Variants in SIMC1 observed in about 807,000 individuals in gnomAD.
The protein encoded by SIMC1 is SUMO-interacting motif-containing protein 1.
A neutral mutation model predicts 82.3 loss-of-function variants in SIMC1; 55 were observed. The observed-to-expected ratio is 0.67, with a 90% CI of 0.54 to 0.84. The LOEUF (loss-of-function observed/expected upper bound fraction) is 0.84. Ranked by LOEUF, SIMC1 falls within the 40% of genes least tolerant of loss-of-function variation. The pLI is 0.00. For synonymous variants in SIMC1, 353 were observed against 426.3 expected (o/e 0.83, Z 2.12); for missense variants, 915 against 1,107.2 (o/e 0.83, Z 2.46).
At chr5:176,329,727 A>G (rs1316229246) in intron 7 of SIMC1, among the ~76,000 whole-genome samples, 3 of 152,212 alleles carry the variant, frequency 2.0e-5, no homozygotes, top group African/African-American at 4.8e-5. Context: ...AGATATAGAT[A>G]TACAATTCAA....
At chr5:176,243,806 ACTGCACCTAGCCTTGATTTACATTT>A in intron 1 of SIMC1, among the ~76,000 whole-genome samples, 1 of 152,076 alleles carries the variant, frequency 6.6e-6, no homozygotes, top group African/African-American at 2.4e-5. Context: ...GGCGTGAGCC[ACTGCACCTAGCCTTGATTTACATTT>A]TTTAGAGATG....
chr5:176,293,818 TTAATTC>T (rs1763686272), intron 2 of SIMC1, among the ~76,000 whole-genome samples: 1 of 152,122 alleles, frequency 6.6e-6, no homozygotes, highest in East Asian at 1.9e-4. Flanking sequence ...TTAAAATTGT[TTAATTC>T]TAATTATAAA....
intron 7 of SIMC1, among the ~76,000 whole-genome samples, chr5:176,329,373 A>T (rs1209919060): frequency 6.6e-6 from 1 of 152,030 alleles, no homozygotes; most frequent in Non-Finnish European, 1.5e-5. Context: ...CGGGAGGCTG[A>T]GGCAGGAGAA....
At position 176,306,349 on chromosome 5, in the gene SIMC1, C is replaced by G. The variant is rs1486807284; in HGVS notation, c.1735-7342C>G. The stretch of plus-strand genomic sequence containing the variant: ...TCCGGGAGGTGAGGGGCACCTCTGC[C>G]CAGCCGCCCCTACTGGGAAGTGAGG... On this transcript the variant is annotated intron_variant, in intron 4 of 9. Transcript: ENST00000429602. 1.4e-5 allele frequency among the ~76,000 whole-genome samples: 2 copies of G among 138,886 alleles called. 1 individual carries two copies. Among genetic ancestry groups the G allele is most frequent in the Admixed American group, 1.4e-4 (2 of 14,222 alleles). The allele number at this position is 138,886 out of a possible 152,430, so 91.1% of individuals were successfully genotyped here.
rs1581267930 is a variant in SIMC1 at position 176,295,179 on chromosome 5, C to A, written c.1581C>A (p.His527Gln). Reference protein sequence around the residue: ...QHYPPREIVAHIIQKILLSGS... With the variant: ...QHYPPREIVAQIIQKILLSGS... The stretch of plus-strand genomic sequence containing the variant: ...ACCCACCAAGAGAAATCGTGGCTCA[C>A]ATCATCCAGAAAATCTTGCTCAGTG... The change falls in exon 3 of 10, where the codon CAC (histidine) becomes CAA (glutamine). Residue 527 changes from histidine to glutamine, a missense_variant. Transcript: ENST00000429602. 15 of 1,613,416 alleles carry A rather than the reference C, an allele frequency of 9.3e-6. No individual in the cohort carries two copies. Among genetic ancestry groups the A allele is most frequent in the Non-Finnish European group, 1.3e-5 (15 of 1,179,688 alleles).
intron 6 of SIMC1, 53 bp from the exon 7 acceptor site, chr5:176,324,576 G>A: frequency 6.3e-7 from 1 of 1,575,182 alleles, no homozygotes; most frequent in Non-Finnish European, 8.6e-7. Flanking sequence ...CAGCCAGAGA[G>A]TGGCTCCTTG....
At chr5:176,284,168 A>G (rs1480198540) in intron 1 of SIMC1, among the ~76,000 whole-genome samples, 2 of 152,234 alleles carry the variant, frequency 1.3e-5, no homozygotes, top group East Asian at 1.9e-4. Context: ...CTCTGTACCA[A>G]GCGGACCTAC....
Position 176,313,413 on chromosome 5 carries a change from A to G in SIMC1, c.1735-278A>G, listed in dbSNP as rs192073649. On this transcript the variant is annotated intron_variant, in intron 4 of 9. Coordinates refer to ENST00000429602, the MANE Select transcript of SIMC1 (RefSeq NM_001308195.2). ...TGCAGCTTAGGTGTTAGAAAATTAT[A>G]ATTATCTGCAGATGCCTAGATCCTT... The G allele has an allele frequency of 7.2e-5, 111 of 1,546,136 alleles. No homozygotes were observed. The African/African-American group carries it at 1.5e-3, about 20-fold the overall frequency.
At chr5:176,298,747 A>T (rs1198535197) in intron 4 of SIMC1, among the ~76,000 whole-genome samples, 1 of 152,244 alleles carries the variant, frequency 6.6e-6, no homozygotes, top group African/African-American at 2.4e-5. Flanking sequence ...AAGTTGTTAA[A>T]CTAGATTGTT....
At chr5:176,253,493 C>T (rs1761757218) in intron 1 of SIMC1, among the ~76,000 whole-genome samples, 1 of 152,120 alleles carries the variant, frequency 6.6e-6, no homozygotes, top group Non-Finnish European at 1.5e-5. Flanking sequence ...GGATTACAGG[C>T]ATGAGCCACT....
At chr5:176,310,683 C>T (rs1031834329) in intron 4 of SIMC1, among the ~76,000 whole-genome samples, 18 of 152,040 alleles carry the variant, frequency 1.2e-4, no homozygotes, top group African/African-American at 3.4e-4. Context: ...AAAGGGATGA[C>T]GCAAGGAGTT....
intron 9 of SIMC1, among the ~76,000 whole-genome samples, chr5:176,338,116 T>G (rs1358015408): frequency 6.6e-6 from 1 of 152,220 alleles, no homozygotes; most frequent in East Asian, 1.9e-4. Context: ...TGTAATGTTC[T>G]TGCCAAAAGT....
chr5:176,313,945 G>A, intron 5 of SIMC1, 100 bp downstream of exon 5: 3 of 1,475,260 alleles, frequency 2.0e-6, no homozygotes, highest in Non-Finnish European at 2.8e-6. Flanking sequence ...TTTCTAGTCA[G>A]TAGATAGTGT....
At chr5:176,285,787 A>G (rs1763246955) in intron 1 of SIMC1, among the ~76,000 whole-genome samples, 1 of 152,172 alleles carries the variant, frequency 6.6e-6, no homozygotes. Flanking sequence ...AACTTCAGCA[A>G]AGTCTCAGGA....
At chr5:176,327,836 A>G (rs1765460762) in intron 7 of SIMC1, among the ~76,000 whole-genome samples, 1 of 152,192 alleles carries the variant, frequency 6.6e-6, no homozygotes, top group Admixed American at 6.5e-5. Context: ...CCATCTATTG[A>G]GATAATCATA....
intron 5 of SIMC1, among the ~76,000 whole-genome samples, chr5:176,319,948 G>A (rs1302951920): frequency 1.3e-5 from 2 of 152,124 alleles, no homozygotes; most frequent in African/African-American, 4.8e-5. Context: ...AAGCTCTGAA[G>A]ACAATAAGAG....
intron 7 of SIMC1, among the ~76,000 whole-genome samples, chr5:176,327,458 T>G (rs1214315492): frequency 6.6e-6 from 1 of 152,216 alleles, no homozygotes; most frequent in East Asian, 1.9e-4. Context: ...CCTGCAACCT[T>G]AATAAATTAA....
chr5:176,298,192 C>T (rs1763901719), intron 4 of SIMC1, among the ~76,000 whole-genome samples: 1 of 152,298 alleles, frequency 6.6e-6, no homozygotes, highest in Middle Eastern at 3.4e-3. Flanking sequence ...TTTTGCATGC[C>T]CATGTCCCTC....
At chr5:176,294,848 C>A in intron 2 of SIMC1, 182 bp from the exon 3 acceptor site, 1 of 784,960 alleles carries the variant, frequency 1.3e-6, no homozygotes, top group Non-Finnish European at 1.9e-6. Context: ...GCCTGTAGTC[C>A]CAGCTACTCT....
Sources: allele counts gnomAD v4.1 joint callset (sites outside exome capture counted in the v4.1 genomes callset), GRCh38; gene constraint gnomAD v4.1.1; transcripts MANE v1.5; gene names NCBI Gene and HGNC (gene_info 2026-07-23, HGNC 2026-07-21).